The following VOPP1 variants were observed in gnomAD, a reference collection of about 807,000 sequenced individuals.
VOPP1 encodes the protein VOPP1 WW domain binding protein, also known as WW domain binding protein VOPP1.
In VOPP1, 8 loss-of-function variants were observed where a neutral mutation model predicts 23.5. The observed-to-expected ratio is 0.34, with a 90% CI of 0.20 to 0.61. The LOEUF is 0.61. Ranked by LOEUF, VOPP1 falls within the 20% of genes least tolerant of loss-of-function variation. The pLI is 0.78. For missense variants in VOPP1, 174 were observed against 238.1 expected (o/e 0.73, Z 1.77); for synonymous variants, 83 against 97.3 (o/e 0.85, Z 0.86).
Position 55,462,749 on chromosome 7 carries a change from G to A in VOPP1, n.418-26575C>T, listed in dbSNP as rs1015418142. Among the ~76,000 whole-genome samples, 5 of 144,532 alleles carry A rather than the reference G, an allele frequency of 3.5e-5. 1 individual carries two copies. The South Asian group carries it at 6.5e-4, about 19-fold the overall frequency. 94.8% of individuals were successfully genotyped at this position (144,532 alleles called of 152,430 possible). ...CGGCTCACTGCAAGCTCCGCCTCCCGGGTTCACGCCATTCTCCTGCCTCAG... is the reference window on the plus strand; with the variant it reads ...CGGCTCACTGCAAGCTCCGCCTCCCAGGTTCACGCCATTCTCCTGCCTCAG... On this transcript the variant is annotated intron_variant and non_coding_transcript_variant, in intron 4 of 4. Coordinates refer to the VOPP1 transcript ENST00000462326.
intron 4 of VOPP1, among the ~76,000 whole-genome samples, chr7:55,488,376 G>A (rs1793301745): frequency 6.6e-6 from 1 of 152,080 alleles, no homozygotes; most frequent in Non-Finnish European, 1.5e-5. Context: ...GCACAACCCG[G>A]CCAGGCCCTG....
chr7:55,547,212 C>A lies in VOPP1; in HGVS notation c.54+25059G>T, dbSNP rs535803403. ...AACATCCAGATCCAACCCTGTCCCA[C>A]CTCTGAGGCTGGGGACGGGGGACAA... On this transcript the variant is annotated intron_variant, in intron 1 of 4. Coordinates refer to ENST00000285279, the MANE Select transcript of VOPP1 (RefSeq NM_030796.5). Among the ~76,000 whole-genome samples the A allele has an allele frequency of 2.0e-5, 3 of 152,314 alleles. No individual in the cohort carries two copies. In the East Asian group the frequency reaches 5.8e-4, roughly 29 times the overall value.
intron 1 of VOPP1, chr7:55,526,592 T>A (rs1159074940): frequency 6.6e-6 from 1 of 152,128 alleles, no homozygotes; most frequent in Admixed American, 6.6e-5. Context: ...GACAGCAGGG[T>A]CAAGGATCCA....
chr7:55,457,856 GATAA>G (rs1433056217), intron 4 of VOPP1, among the ~76,000 whole-genome samples: 4 of 151,850 alleles, frequency 2.6e-5, no homozygotes, highest in African/African-American at 4.8e-5. Flanking sequence ...TCCCTTGTTG[GATAA>G]ATAGTTTGCA....
intron 4 of VOPP1, among the ~76,000 whole-genome samples, chr7:55,445,672 G>A (rs1344876516): frequency 6.6e-6 from 1 of 152,078 alleles, no homozygotes; most frequent in Admixed American, 6.5e-5. Flanking sequence ...GGGTTTGTCT[G>A]CTTCTTTCCC....
chr7:55,506,428 T>G (rs1427074550), intron 2 of VOPP1, among the ~76,000 whole-genome samples: 1 of 152,092 alleles, frequency 6.6e-6, no homozygotes, highest in Admixed American at 6.5e-5. Context: ...CTCCACCTCT[T>G]GGGTTCAAGT....
intron 1 of VOPP1, among the ~76,000 whole-genome samples, chr7:55,534,339 G>T (rs548324427): frequency 6.6e-6 from 1 of 151,984 alleles, no homozygotes. Flanking sequence ...CTAAACCCTC[G>T]GGTCTCAGCT....
chr7:55,500,757 T>C (rs898201953), intron 2 of VOPP1, among the ~76,000 whole-genome samples: 8 of 152,230 alleles, frequency 5.3e-5, no homozygotes, highest in Middle Eastern at 3.2e-3. Flanking sequence ...AAAGTATTAT[T>C]AGTGCCATGT....
At chr7:55,556,278 T>G (rs1027435298) in intron 1 of VOPP1, among the ~76,000 whole-genome samples, 2 of 152,210 alleles carry the variant, frequency 1.3e-5, no homozygotes, top group Non-Finnish European at 2.9e-5. Flanking sequence ...ACAATGACCC[T>G]GACTCATTCC....
At chr7:55,557,349 T>C (rs1797844571) in intron 1 of VOPP1, among the ~76,000 whole-genome samples, 1 of 151,956 alleles carries the variant, frequency 6.6e-6, no homozygotes, top group Non-Finnish European at 1.5e-5. Flanking sequence ...CTTAAAACAA[T>C]GCTGCCACAC....
At chr7:55,458,880 C>G (rs1275506766) in intron 4 of VOPP1, among the ~76,000 whole-genome samples, 4 of 152,058 alleles carry the variant, frequency 2.6e-5, no homozygotes, top group Admixed American at 2.6e-4. Flanking sequence ...ATTTCTCTTG[C>G]CTGATTGCTC....
intron 1 of VOPP1, chr7:55,553,985 A>G (rs1797716611): frequency 6.6e-6 from 1 of 152,324 alleles, no homozygotes; most frequent in Non-Finnish European, 1.5e-5. Flanking sequence ...CCATCATGGC[A>G]ACCGTAGCTG....
chr7:55,437,014 T>C (rs748928498), intron 4 of VOPP1, among the ~76,000 whole-genome samples: 4 of 152,186 alleles, frequency 2.6e-5, no homozygotes, highest in African/African-American at 4.8e-5. Flanking sequence ...CCTAGGAGAA[T>C]AAAACGTGTC....
rs143743045 is a variant in VOPP1 at position 55,549,606 on chromosome 7, G to A, written c.54+22665C>T. On this transcript the variant is annotated intron_variant, in intron 1 of 4. Transcript: ENST00000285279. Reference sequence around the variant, plus strand: ...GCCGGCAGGAGCAGGACACACTGGCGGACACTCTGCAGTGCGACCAGCCGT... The same window carrying A: ...GCCGGCAGGAGCAGGACACACTGGCAGACACTCTGCAGTGCGACCAGCCGT... Among the ~76,000 whole-genome samples, 830 of 152,272 alleles carry A rather than the reference G, an allele frequency of 5.5e-3. 12 individuals are homozygous for A. The highest frequency in any genetic ancestry group is 0.019 in the African/African-American group (790 of 41,550).
At chr7:55,570,262 CCTT>C (rs1798304196) in intron 1 of VOPP1, among the ~76,000 whole-genome samples, 1 of 152,152 alleles carries the variant, frequency 6.6e-6, no homozygotes, top group African/African-American at 2.4e-5. Flanking sequence ...GAAGAAATCT[CCTT>C]AACTCCTCAG....
At chr7:55,552,893 C>T in intron 1 of VOPP1, 1 of 1,269,738 alleles carries the variant, frequency 7.9e-7, no homozygotes, top group Non-Finnish European at 1.0e-6. Flanking sequence ...AACTCCTGAA[C>T]CCGAAGAAAA....
intron 4 of VOPP1, among the ~76,000 whole-genome samples, chr7:55,459,230 ACCATAG>A (rs1314170465): frequency 6.6e-6 from 1 of 152,114 alleles, no homozygotes; most frequent in Non-Finnish European, 1.5e-5. Flanking sequence ...ATCACACTTG[ACCATAG>A]TATATTATCT....
chr7:55,521,205 GA>G (rs2129041451), intron 1 of VOPP1, 75 bp from the exon 2 acceptor site: 2 of 1,437,186 alleles, frequency 1.4e-6, no homozygotes, highest in South Asian at 1.2e-5. Flanking sequence ...CACAAAGGCA[GA>G]AAGAAGGATG....
At chr7:55,561,972 G>C (rs1424075411) in intron 1 of VOPP1, 1 of 703,380 alleles carries the variant, frequency 1.4e-6, no homozygotes, top group East Asian at 2.7e-5. Context: ...GGTGCCTTCA[G>C]GACCCACAGT....
Sources: allele counts gnomAD v4.1 joint callset (sites outside exome capture counted in the v4.1 genomes callset), GRCh38; gene constraint gnomAD v4.1.1; transcripts MANE v1.5; gene names NCBI Gene and HGNC (gene_info 2026-07-23, HGNC 2026-07-21).